CACNA1C: variants seen among roughly 807,000 people sequenced by gnomAD.
CACNA1C encodes the protein calcium voltage-gated channel subunit alpha1 C.
CACNA1C carries 30 observed loss-of-function variants against 229.0 expected under a neutral mutation model. That is an observed-to-expected ratio of 0.13 (90% confidence interval 0.10 to 0.18). The LOEUF is 0.18. Among genes scored for constraint, CACNA1C ranks in the 10% least tolerant of loss-of-function variants. The pLI, the probability that CACNA1C is intolerant of heterozygous loss-of-function variation, is 1.00. For synonymous variants in CACNA1C, 1,114 were observed against 1,132.5 expected (o/e 0.98, Z 0.33); for missense variants, 1,658 against 2,845.0 (o/e 0.58, Z 9.49).
At chr12:2,060,651 C>T (rs2057129874) in intron 1 of CACNA1C, among the ~76,000 whole-genome samples, 1 of 152,206 alleles carries the variant, frequency 6.6e-6, no homozygotes, top group African/African-American at 2.4e-5. Flanking sequence ...TTTGAGTTCC[C>T]TGGAGGAAGC....
At chr12:2,087,126 A>G in intron 1 of CACNA1C, among the ~76,000 whole-genome samples, 1 of 151,712 alleles carries the variant, frequency 6.6e-6, no homozygotes, top group East Asian at 1.9e-4. Context: ...GGCCATTGGT[A>G]CCTCATTTCT....
chr12:1,998,353 C>T (rs150464402), intron 1 of CACNA1C, among the ~76,000 whole-genome samples: 111 of 152,312 alleles, frequency 7.3e-4, no homozygotes, highest in Middle Eastern at 3.4e-3. Context: ...AAGCTGCAGA[C>T]ATCACTGGTG....
At chr12:2,242,149 T>G (rs1022077007) in intron 3 of CACNA1C, among the ~76,000 whole-genome samples, 1 of 152,188 alleles carries the variant, frequency 6.6e-6, no homozygotes, top group Admixed American at 6.5e-5. Flanking sequence ...CCAGCCATAC[T>G]TTGCTCTTGC....
chr12:2,265,218 A>G (rs1209067001), intron 3 of CACNA1C, among the ~76,000 whole-genome samples: 5 of 152,172 alleles, frequency 3.3e-5, no homozygotes, highest in Admixed American at 3.3e-4. Flanking sequence ...GGGAGGGAAC[A>G]GTTAGTTACC....
chr12:2,204,093 C>A (rs531480959), intron 3 of CACNA1C, among the ~76,000 whole-genome samples: 2 of 152,264 alleles, frequency 1.3e-5, no homozygotes, highest in South Asian at 4.2e-4. Flanking sequence ...TCCTATTTCT[C>A]CACATCCTCT....
chr12:2,419,521 T>C (rs1339220756), intron 3 of CACNA1C, among the ~76,000 whole-genome samples: 1 of 152,168 alleles, frequency 6.6e-6, no homozygotes, highest in African/African-American at 2.4e-5. Flanking sequence ...AGCACCACCA[T>C]GCCAGTTCCC....
intron 32 of CACNA1C, among the ~76,000 whole-genome samples, chr12:2,652,652 C>T (rs1042317289): frequency 6.6e-6 from 1 of 152,224 alleles, no homozygotes; most frequent in African/African-American, 2.4e-5. Flanking sequence ...GAAAGATGCC[C>T]GTCCCCGCTC....
chr12:2,504,581 G>GC lies in CACNA1C; in HGVS notation c.1114-260dup, dbSNP rs1277317301. ...TATGTCCTCTCCACAACGCAGCCGA[G>GC]CAAGGTCTCAGGTTCCACTCCGTAC... On this transcript the variant is annotated intron_variant, in intron 7 of 46. Coordinates refer to ENST00000399655, the MANE Select transcript of CACNA1C (RefSeq NM_000719.7). This position sits in a 1 kb window ranked among gnomAD's most constrained non-coding sequence, Gnocchi z 6.8. The GC allele has an allele frequency of 8.1e-7, 1 of 1,232,856 alleles. No individual in the cohort carries two copies. Among genetic ancestry groups the GC allele is most frequent in the East Asian group, 2.3e-5 (1 of 43,094 alleles). The allele number at this position is 1,232,856 out of a possible 1,614,324, so 76.4% of individuals were successfully genotyped here. A position where few individuals can be genotyped will look rare whatever the true frequency, so the allele number is the denominator to read the frequency against.
In CACNA1C at chr12:2,679,215, G is replaced by A. The variant is rs920521376; in HGVS notation, c.5092-229G>A. ...TGGTGGGTGGGTTCTCCCAGCTGCT[G>A]CAGAGGGGAGTCCAGAGCCTTGAGA... On this transcript the variant is annotated intron_variant, in intron 41 of 46. Transcript: ENST00000399655. The surrounding 1 kb of genome is among the most constrained non-coding windows in gnomAD (Gnocchi z 5.5). Among the ~76,000 whole-genome samples the A allele has an allele frequency of 2.1e-4, 32 of 152,310 alleles. No individual in the cohort carries two copies. Among genetic ancestry groups the A allele is most frequent in the African/African-American group, 7.5e-4 (31 of 41,568 alleles).
At chr12:2,556,910 G>T (rs1224604911) in intron 10 of CACNA1C, 41 bp from the exon 11 acceptor site, 1 of 1,580,738 alleles carries the variant, frequency 6.3e-7, no homozygotes, top group Non-Finnish European at 8.7e-7. Flanking sequence ...AAATGCACGT[G>T]TGTGTCCATC....
chr12:2,584,108 G>A (rs1013261128), intron 15 of CACNA1C, among the ~76,000 whole-genome samples: 4 of 152,192 alleles, frequency 2.6e-5, no homozygotes, highest in South Asian at 2.1e-4. Flanking sequence ...CCCCCTCAGC[G>A]CCCAGTTATA....
intron 42 of CACNA1C, chr12:2,681,908 C>A (rs1448216680): frequency 9.1e-7 from 1 of 1,095,416 alleles, no homozygotes; most frequent in South Asian, 1.2e-5. Context: ...AAGGAAGAGG[C>A]CTTGGTCCAG....
intron 1 of CACNA1C, among the ~76,000 whole-genome samples, chr12:1,984,306 T>C (rs760647450): frequency 6.6e-6 from 1 of 152,218 alleles, no homozygotes; most frequent in South Asian, 2.1e-4. Flanking sequence ...TTTGCTCTCC[T>C]GTTACCCTCT....
intron 3 of CACNA1C, among the ~76,000 whole-genome samples, chr12:2,383,011 C>T (rs985254053): frequency 6.6e-6 from 1 of 152,266 alleles, no homozygotes; most frequent in South Asian, 2.1e-4. Context: ...GCAGTGTTCC[C>T]TAATGCACTC....
intron 14 of CACNA1C, among the ~76,000 whole-genome samples, 191 bp from the exon 15 acceptor site, chr12:2,582,631 C>T (rs1289782111): frequency 6.6e-6 from 1 of 152,206 alleles, no homozygotes; most frequent in Non-Finnish European, 1.5e-5. Context: ...TGCCAATAGC[C>T]AGGCATTTTG....
chr12:2,518,562 C>A (rs1411097570), intron 9 of CACNA1C, among the ~76,000 whole-genome samples: 1 of 150,738 alleles, frequency 6.6e-6, no homozygotes, highest in African/African-American at 2.4e-5. Flanking sequence ...GAGCCGAGAT[C>A]GCGCCACTGC....
intron 46 of CACNA1C, 28 bp downstream of exon 46, chr12:2,688,807 G>A (rs370852996): frequency 2.7e-5 from 40 of 1,457,894 alleles, no homozygotes; most frequent in Non-Finnish European, 3.5e-5. Context: ...GGGCAGGGGG[G>A]AGAGGCCACG....
chr12:2,419,892 A>C (rs1047045665), intron 3 of CACNA1C, among the ~76,000 whole-genome samples: 1 of 152,098 alleles, frequency 6.6e-6, no homozygotes, highest in Non-Finnish European at 1.5e-5. Context: ...CTGTGTCATC[A>C]TGGGTGCCGG....
At chr12:2,082,883 T>C (rs1368529464) in intron 1 of CACNA1C, among the ~76,000 whole-genome samples, 1 of 152,218 alleles carries the variant, frequency 6.6e-6, no homozygotes, top group Non-Finnish European at 1.5e-5. Context: ...TATATAGATA[T>C]GCACACACAT....
Sources: gnomAD v4.1 joint callset for allele counts (sites outside exome capture counted in the v4.1 genomes callset) on GRCh38, gnomAD v4.1.1 for gene constraint, Gnocchi (gnomAD v3.1) non-coding constraint, MANE v1.5 for transcripts, NCBI Gene and HGNC (gene_info 2026-07-23, HGNC 2026-07-21) for gene names.